ZMIZ1: variants seen among roughly 807,000 people sequenced by gnomAD.
The protein encoded by ZMIZ1 is zinc finger MIZ-type containing 1.
A neutral mutation model predicts 113.9 loss-of-function variants in ZMIZ1; 17 were observed. The observed-to-expected ratio is 0.15, with a 90% CI of 0.10 to 0.22. ZMIZ1 has a LOEUF of 0.22. Ranked by LOEUF, ZMIZ1 falls within the 10% of genes least tolerant of loss-of-function variation. ZMIZ1 has a pLI of 1.00. For synonymous variants in ZMIZ1, 607 were observed against 603.1 expected, an observed-to-expected ratio of 1.01 and a Z score of -0.09; for missense variants, 1,059 against 1,477.8, an observed-to-expected ratio of 0.72 and a Z score of 4.65.
At chr10:79,109,144 C>G (rs1312973147) in intron 1 of ZMIZ1, among the ~76,000 whole-genome samples, 4 of 152,264 alleles carry the variant, frequency 2.6e-5, no homozygotes, top group African/African-American at 9.6e-5. Context: ...GGCTGCCTCT[C>G]TCTGTGTTGA....
chr10:79,272,314 C>T (rs1851997775), intron 7 of ZMIZ1, among the ~76,000 whole-genome samples: 1 of 152,074 alleles, frequency 6.6e-6, no homozygotes, highest in South Asian at 2.1e-4. Flanking sequence ...AGCACAATAA[C>T]CCTAAAGAGT....
intron 11 of ZMIZ1, among the ~76,000 whole-genome samples, chr10:79,293,129 C>T (rs1375137325): frequency 6.6e-6 from 1 of 151,570 alleles, no homozygotes; most frequent in African/African-American, 2.4e-5. Context: ...GAGTGACCAC[C>T]TCACCCCACC....
intron 16 of ZMIZ1, among the ~76,000 whole-genome samples, chr10:79,299,995 G>C (rs1315664353): frequency 6.6e-6 from 1 of 152,210 alleles, no homozygotes; most frequent in African/African-American, 2.4e-5. Context: ...AGCTGGGTCT[G>C]TGCCTGGCAC....
At chr10:79,251,978 G>A (rs754103337) in intron 7 of ZMIZ1, among the ~76,000 whole-genome samples, 2 of 152,198 alleles carry the variant, frequency 1.3e-5, no homozygotes, top group Non-Finnish European at 2.9e-5. Flanking sequence ...GGGTCTCCCA[G>A]GAGCAGCATC....
chr10:79,306,637 A>G (rs941843842), intron 22 of ZMIZ1, among the ~76,000 whole-genome samples: 1 of 151,998 alleles, frequency 6.6e-6, no homozygotes, highest in African/African-American at 2.4e-5. Context: ...TGTGATATCT[A>G]CATTTCCCCT....
intron 3 of ZMIZ1, among the ~76,000 whole-genome samples, chr10:79,146,058 C>T (rs140092504): frequency 2.6e-4 from 39 of 152,240 alleles, no homozygotes; most frequent in Non-Finnish European, 4.1e-4. Flanking sequence ...TCATTTTTTG[C>T]GGCCTTCCTG....
intron 7 of ZMIZ1, among the ~76,000 whole-genome samples, chr10:79,247,650 GAA>G (rs1458329018): frequency 2.0e-5 from 3 of 152,240 alleles, no homozygotes; most frequent in Admixed American, 6.5e-5. Context: ...CCAGGCCTTA[GAA>G]GTGCCTGGCC....
At chr10:79,103,079 C>T (rs1327406266) in intron 1 of ZMIZ1, among the ~76,000 whole-genome samples, 1 of 151,476 alleles carries the variant, frequency 6.6e-6, no homozygotes, top group African/African-American at 2.4e-5. Context: ...GTGGGGGAGG[C>T]GGCATGTATT....
At chr10:79,086,760 T>A (rs1250006) in intron 1 of ZMIZ1, among the ~76,000 whole-genome samples, 80,392 of 151,834 alleles carry the variant, frequency 0.53, 21,539 homozygotes, top group African/African-American at 0.61. Context: ...TTTATTTTTT[T>A]ATTTTTATTT....
chr10:79,219,057 G>A (rs1848857292), intron 7 of ZMIZ1, among the ~76,000 whole-genome samples: 1 of 152,138 alleles, frequency 6.6e-6, no homozygotes, highest in Non-Finnish European at 1.5e-5. Flanking sequence ...GGGACGTGGA[G>A]GCCTGCCTGG....
chr10:79,184,390 C>G (rs703978), intron 4 of ZMIZ1, among the ~76,000 whole-genome samples: 103,709 of 152,096 alleles, frequency 0.68, 36,223 homozygotes, highest in African/African-American at 0.83. Context: ...GCACTTACTG[C>G]GTGGCCTTGG....
chr10:79,239,968 C>T (rs1849745723), intron 7 of ZMIZ1, among the ~76,000 whole-genome samples: 1 of 140,568 alleles, frequency 7.1e-6, no homozygotes, highest in African/African-American at 2.6e-5. Flanking sequence ...CTGGGTAAAG[C>T]ATCCTCCCTC....
At chr10:79,164,459 A>C (rs1369526873) in intron 4 of ZMIZ1, among the ~76,000 whole-genome samples, 3 of 151,960 alleles carry the variant, frequency 2.0e-5, no homozygotes, top group African/African-American at 7.3e-5. Context: ...GTCTCTAGGT[A>C]GCTGTCTTGA....
At chr10:79,077,458 T>TCTCA (rs1842511577) in intron 1 of ZMIZ1, among the ~76,000 whole-genome samples, 1 of 142,312 alleles carries the variant, frequency 7.0e-6, no homozygotes, top group Admixed American at 6.9e-5. Flanking sequence ...CAGTGGGGTG[T>TCTCA]CTCACTAAGA....
chr10:79,132,766 G>A (rs1327564625), intron 2 of ZMIZ1, among the ~76,000 whole-genome samples: 1 of 152,226 alleles, frequency 6.6e-6, no homozygotes, highest in Non-Finnish European at 1.5e-5. Flanking sequence ...TGGCGAGGCA[G>A]TGGGGTGGGG....
At chr10:79,290,891 T>C (rs1249756640) in intron 9 of ZMIZ1, 68 bp from the exon 10 acceptor site, 2 of 1,572,714 alleles carry the variant, frequency 1.3e-6, no homozygotes, top group Admixed American at 3.4e-5. Context: ...CCCCTCTTCA[T>C]TTATCCCTCT....
intron 8 of ZMIZ1, among the ~76,000 whole-genome samples, chr10:79,278,429 ATTCT>A (rs1489389010): frequency 6.7e-6 from 1 of 149,418 alleles, no homozygotes; most frequent in Non-Finnish European, 1.5e-5. Context: ...TATTATTTTA[ATTCT>A]TTTTTTTAAT....
intron 4 of ZMIZ1, among the ~76,000 whole-genome samples, chr10:79,164,174 C>T (rs1019640233): frequency 6.6e-6 from 1 of 152,216 alleles, no homozygotes; most frequent in African/African-American, 2.4e-5. Flanking sequence ...TCCTTCTTCC[C>T]AGGGCTGGCC....
chr10:79,167,044 A>G (rs1846384126), intron 4 of ZMIZ1, among the ~76,000 whole-genome samples: 2 of 150,616 alleles, frequency 1.3e-5, no homozygotes, highest in South Asian at 4.2e-4. Flanking sequence ...ACACCTTCCC[A>G]CTCTGTGCTC....
Sources: gnomAD v4.1 joint callset for allele counts (sites outside exome capture counted in the v4.1 genomes callset) on GRCh38, gnomAD v4.1.1 for gene constraint, MANE v1.5 for transcripts, NCBI Gene and HGNC (gene_info 2026-07-23, HGNC 2026-07-21) for gene names.